Variants in GALNT9 observed in about 807,000 individuals in gnomAD.
GALNT9 encodes GalNAc transferase 9.
GALNT9 carries 47 observed loss-of-function variants against 63.1 expected under a neutral mutation model. The ratio of observed to expected loss-of-function variants is 0.75; its 90% CI spans 0.59 to 0.95. The LOEUF (loss-of-function observed/expected upper bound fraction) is 0.95. GALNT9 is among the 40% of genes least tolerant of loss of function. GALNT9 has a pLI of 0.00. For missense variants in GALNT9, 829 were observed against 874.8 expected, an observed-to-expected ratio of 0.95 and a Z score of 0.66; for synonymous variants, 396 against 365.7, an observed-to-expected ratio of 1.08 and a Z score of -0.94.
intron 6 of GALNT9, among the ~76,000 whole-genome samples, chr12:132,225,020 C>G (rs1359915736): frequency 2.3e-5 from 3 of 129,108 alleles, no homozygotes; most frequent in Non-Finnish European, 4.9e-5. Flanking sequence ...TACACCCCCC[C>G]CACACACCAC....
Position 132,282,459 on chromosome 12 carries a change from G to A in GALNT9, c.419+3791C>T, listed in dbSNP as rs988977005. 3.9e-5 allele frequency among the ~76,000 whole-genome samples: 6 copies of A among 152,240 alleles called. No homozygotes were observed. Among genetic ancestry groups the A allele is most frequent in the African/African-American group, 1.2e-4 (5 of 41,472 alleles). The stretch of plus-strand genomic sequence containing the variant: ...CATGCGTGTGTGTGCGTGTGCATGT[G>A]TGTGTGCACGCATGTGGTAATTTAT... On this transcript the variant is annotated intron_variant, in intron 2 of 10. Coordinates refer to ENST00000328957, the MANE Select transcript of GALNT9 (RefSeq NM_001122636.2). The surrounding 1 kb of genome is among the most constrained non-coding windows in gnomAD (Gnocchi z 4.5).
chr12:132,280,883 T>TA (rs533369796), intron 2 of GALNT9: 3 of 152,310 alleles, frequency 2.0e-5, no homozygotes, highest in Non-Finnish European at 4.4e-5. Context: ...GGGATCTGAA[T>TA]AAAGAGACTT....
In GALNT9 at chr12:132,282,439, G is replaced by A. The variant is rs1184917135; in HGVS notation, c.419+3811C>T. Among the ~76,000 whole-genome samples the A allele has an allele frequency of 2.0e-5, 3 of 152,308 alleles. No individual in the cohort carries two copies. Among genetic ancestry groups the A allele is most frequent in the South Asian group, 2.1e-4 (1 of 4,822 alleles). On this transcript the variant is annotated intron_variant, in intron 2 of 10. Coordinates refer to ENST00000328957, the MANE Select transcript of GALNT9 (RefSeq NM_001122636.2). The surrounding 1 kb of genome is among the most constrained non-coding windows in gnomAD (Gnocchi z 4.5). The stretch of plus-strand genomic sequence containing the variant: ...TGTGTGTGCGTGTGTGCGTGCATGC[G>A]TGTGTGTGCGTGTGCATGTGTGTGT...
intron 2 of GALNT9, among the ~76,000 whole-genome samples, chr12:132,264,700 G>A (rs982702296): frequency 2.6e-5 from 4 of 152,202 alleles, no homozygotes; most frequent in Admixed American, 2.0e-4. Flanking sequence ...ATTGGGTGAC[G>A]TGCTCTTCCC....
intron 6 of GALNT9, among the ~76,000 whole-genome samples, chr12:132,229,293 C>A (rs1167618063): frequency 6.6e-6 from 1 of 152,238 alleles, no homozygotes; most frequent in Non-Finnish European, 1.5e-5. Context: ...CCTGGGTCAC[C>A]AGAGGCAAGC....
Position 132,240,815 on chromosome 12 carries a change from CCCAA to C in GALNT9, c.1077+7091_1077+7094del, listed in dbSNP as rs1565995991. On this transcript the variant is annotated intron_variant, in intron 6 of 10. Transcript: ENST00000328957. ...GTTTACACACATGCCACACACCCTT[CCCAA>C]GGCCGTCCCTATACCCATTACACAC... 58 of 420,666 alleles carry C rather than the reference CCCAA, an allele frequency of 1.4e-4. 7 individuals carry two copies. The highest frequency in any genetic ancestry group is 8.9e-4 in the African/African-American group (43 of 48,132). 26.1% of individuals were successfully genotyped at this position (420,666 alleles called of 1,614,324 possible). A position where few individuals can be genotyped will look rare whatever the true frequency, so the allele number is the denominator to read the frequency against.
At chr12:132,283,629 T>C (rs28435629) in intron 2 of GALNT9, 3,357 of 152,322 alleles carry the variant, frequency 0.022, 110 homozygotes, top group African/African-American at 0.075. Context: ...GAGACCAAGG[T>C]CAGCCATGTC....
At chr12:132,226,874 C>T (rs1276064039) in intron 6 of GALNT9, among the ~76,000 whole-genome samples, 1 of 149,288 alleles carries the variant, frequency 6.7e-6, no homozygotes, top group Non-Finnish European at 1.5e-5. Context: ...CATACACACC[C>T]CACACACATA....
In GALNT9 at chr12:132,310,404, G is replaced by A. The variant is rs1214739567; in HGVS notation, c.238+18562C>T. Among the ~76,000 whole-genome samples, 2 of 152,240 alleles carry A rather than the reference G, an allele frequency of 1.3e-5. No homozygotes were observed. The highest frequency in any genetic ancestry group is 6.5e-5 in the Admixed American group (1 of 15,284). On this transcript the variant is annotated intron_variant, in intron 1 of 10. Transcript: ENST00000328957. This position sits in a 1 kb window ranked among gnomAD's most constrained non-coding sequence, Gnocchi z 4.8. ...GCCAGGAGTGAGAGCGCACCCACGT[G>A]AGGTCAGGCTGCCTCCCACCCAACA...
At chr12:132,224,828 TACAC>T (rs1206296808) in intron 6 of GALNT9, among the ~76,000 whole-genome samples, 5 of 99,974 alleles carry the variant, frequency 5.0e-5, no homozygotes, top group Non-Finnish European at 1.0e-4. Context: ...CCCTCCCACA[TACAC>T]ACCACACAAC....
At chr12:132,198,607 G>A (rs964682506) in intron 9 of GALNT9, among the ~76,000 whole-genome samples, 1 of 152,170 alleles carries the variant, frequency 6.6e-6, no homozygotes, top group Admixed American at 6.5e-5. Flanking sequence ...CGTCTCTCTT[G>A]ACTGAGGGGG....
At chr12:132,200,123 CCT>C (rs766000715) in intron 8 of GALNT9, among the ~76,000 whole-genome samples, 6 of 152,228 alleles carry the variant, frequency 3.9e-5, no homozygotes, top group Non-Finnish European at 5.9e-5. Context: ...GCCTGGGAAA[CCT>C]CTGTGCCCAA....
chr12:132,203,648 G>C lies in GALNT9; in HGVS notation c.1120C>G (p.Arg374Gly), dbSNP rs1352925080. ...CTGGTGCGCTCGATGTGGGCCACGC[G>C]GGAGCAGGGCAGCACCTCCATGCTG... ...GGSMEVLPCS[R>G]VAHIERTRKP... Residue 374 changes from arginine (R) to glycine (G), a missense_variant, in exon 7 of 11, where the codon CGC becomes GGC. Physicochemically the swap from Arg to Gly is moderately radical, Grantham distance 125. Transcript: ENST00000328957. 1 of 1,613,706 alleles carries C rather than the reference G, an allele frequency of 6.2e-7. No individual in the cohort carries two copies. The highest frequency in any genetic ancestry group is 8.5e-7 in the Non-Finnish European group (1 of 1,179,826).
intron 6 of GALNT9, among the ~76,000 whole-genome samples, chr12:132,226,843 A>G (rs924515835): frequency 0.037 from 5,483 of 148,222 alleles, 337 homozygotes; most frequent in African/African-American, 0.13. Context: ...CACACACCAT[A>G]TACACACCCC....
chr12:132,207,325 CAGTAGGTGCTTGA>C (rs1450536732), intron 6 of GALNT9, among the ~76,000 whole-genome samples: 1 of 152,222 alleles, frequency 6.6e-6, no homozygotes, highest in African/African-American at 2.4e-5. Context: ...GCCGGGCACA[CAGTAGGTGCTTGA>C]TAAATAGCTG....
rs1868695182 is a variant in GALNT9 at position 132,319,775 on chromosome 12, C to T, written c.238+9191G>A. On this transcript the variant is annotated intron_variant, in intron 1 of 10. Transcript: ENST00000328957. The surrounding 1 kb of genome is among the most constrained non-coding windows in gnomAD (Gnocchi z 5.2). ...CTCGGGTGCTCCTCCCGCAGCCCCA[C>T]GTAGACAGAAGACATTCCTCGGGCC... 1.3e-5 allele frequency among the ~76,000 whole-genome samples: 2 copies of T among 152,336 alleles called. No individual in the cohort carries two copies. Among genetic ancestry groups the T allele is most frequent in the Admixed American group, 1.3e-4 (2 of 15,306 alleles).
intron 2 of GALNT9, among the ~76,000 whole-genome samples, chr12:132,266,027 C>T (rs1879581056): frequency 6.7e-6 from 1 of 148,840 alleles, no homozygotes; most frequent in African/African-American, 2.6e-5. Flanking sequence ...CACGCCCGAC[C>T]TCGCCGTATT....
chr12:132,313,805 TCCACCCATCCACCCACCCAGCCACCCAC>T (rs1881913733), intron 1 of GALNT9, among the ~76,000 whole-genome samples: 2 of 38,232 alleles, frequency 5.2e-5, no homozygotes, highest in South Asian at 1.4e-3. Context: ...CACCCACCCA[TCCACCCATCCACCCACCCAGCCACCCAC>T]CCATCCATCC....
rs1260467101 is a variant in GALNT9 at position 132,197,193 on chromosome 12, C to T, written c.1726G>A (p.Ala576Thr). The change falls in exon 11 of 11, where the codon GCC (alanine) becomes ACC (threonine). Residue 576 changes from alanine (A) to threonine (T), a missense_variant. Physicochemically the swap from Ala to Thr is moderately conservative, Grantham distance 58. Transcript: ENST00000328957. ...RCLEVEMSKD[A>T]NFGLRLVVQR... ...ACCACCAGCCGGAGCCCAAAGTTGGCATCTTTGGACATCTCCACCTCCAGG... is the reference window on the plus strand; with the variant it reads ...ACCACCAGCCGGAGCCCAAAGTTGGTATCTTTGGACATCTCCACCTCCAGG... The T allele has an allele frequency of 6.2e-7, 1 of 1,613,986 alleles. No individual in the cohort carries two copies. The highest frequency in any genetic ancestry group is 8.5e-7 in the Non-Finnish European group (1 of 1,180,020).
Sources: allele counts gnomAD v4.1 joint callset (sites outside exome capture counted in the v4.1 genomes callset), GRCh38; gene constraint gnomAD v4.1.1; non-coding constraint Gnocchi (gnomAD v3.1); transcripts MANE v1.5; gene names NCBI Gene and HGNC (gene_info 2026-07-23, HGNC 2026-07-21).